Variants in INPP4B observed in about 807,000 individuals in gnomAD.
INPP4B encodes inositol polyphosphate 4-phosphatase type II.
A neutral mutation model predicts 122.5 loss-of-function variants in INPP4B; 55 were observed. That is an observed-to-expected ratio of 0.45 (90% confidence interval 0.36 to 0.56). INPP4B has a LOEUF of 0.56. Among genes scored for constraint, INPP4B ranks in the 20% least tolerant of loss-of-function variants. The probability of loss-of-function intolerance (pLI) is 0.00; values close to 1 mark genes in which losing one functional copy is unlikely to be tolerated. For missense variants in INPP4B, 1,000 were observed against 1,097.7 expected, an observed-to-expected ratio of 0.91 and a Z score of 1.26; for synonymous variants, 403 against 388.7, an observed-to-expected ratio of 1.04 and a Z score of -0.43.
chr4:142,495,766 A>C (rs1004172986), intron 2 of INPP4B, among the ~76,000 whole-genome samples: 2 of 152,176 alleles, frequency 1.3e-5, no homozygotes, highest in Non-Finnish European at 2.9e-5. Flanking sequence ...CTTTAGTTTC[A>C]TTCAAAACCT....
At chr4:142,233,854 T>C (rs1000744696) in intron 12 of INPP4B, among the ~76,000 whole-genome samples, 7 of 152,082 alleles carry the variant, frequency 4.6e-5, no homozygotes, top group Non-Finnish European at 8.8e-5. Context: ...TTAAACTATT[T>C]TCTCAGTTGG....
At chr4:142,314,483 T>C (rs2151315904) in intron 8 of INPP4B, among the ~76,000 whole-genome samples, 1 of 152,224 alleles carries the variant, frequency 6.6e-6, no homozygotes, top group African/African-American at 2.4e-5. Context: ...GGCTCATCTC[T>C]AGCCAGCTGA....
intron 25 of INPP4B, among the ~76,000 whole-genome samples, chr4:142,071,050 T>G (rs28841695): frequency 0.025 from 3,787 of 152,068 alleles, 174 homozygotes; most frequent in African/African-American, 0.087. Flanking sequence ...GCCAAAAGAA[T>G]AAAGCTGGAG....
chr4:142,633,792 A>G (rs1159972487), intron 2 of INPP4B, among the ~76,000 whole-genome samples: 1 of 152,170 alleles, frequency 6.6e-6, no homozygotes, highest in Non-Finnish European at 1.5e-5. Context: ...AGAGAATGAT[A>G]AAATAACATA....
At chr4:142,541,096 T>C (rs538774427) in intron 2 of INPP4B, among the ~76,000 whole-genome samples, 1 of 152,310 alleles carries the variant, frequency 6.6e-6, no homozygotes, top group East Asian at 1.9e-4. Flanking sequence ...GCTGATTTGA[T>C]TTTGTCATAA....
chr4:142,515,238 C>T (rs905871720), intron 2 of INPP4B, among the ~76,000 whole-genome samples: 3 of 152,166 alleles, frequency 2.0e-5, no homozygotes, highest in African/African-American at 7.2e-5. Flanking sequence ...CTAAGAAGGG[C>T]TATTCGTCAA....
chr4:142,370,650 C>G (rs1262236385), intron 7 of INPP4B, among the ~76,000 whole-genome samples: 1 of 151,724 alleles, frequency 6.6e-6, no homozygotes, highest in Non-Finnish European at 1.5e-5. Flanking sequence ...TACAAAATAA[C>G]TAACTGAAAA....
intron 1 of INPP4B, among the ~76,000 whole-genome samples, chr4:142,732,720 A>T (rs969682232): frequency 9.2e-5 from 14 of 152,288 alleles, no homozygotes; most frequent in Admixed American, 3.9e-4. Context: ...CATCATGCTC[A>T]TACATGGAAG....
At chr4:142,121,689 G>A (rs1436960276) in intron 21 of INPP4B, among the ~76,000 whole-genome samples, 2 of 152,038 alleles carry the variant, frequency 1.3e-5, no homozygotes, top group Non-Finnish European at 2.9e-5. Flanking sequence ...AAAAATGGTG[G>A]TATATTCCCC....
intron 2 of INPP4B, among the ~76,000 whole-genome samples, chr4:142,705,878 G>A (rs183645067): frequency 1.3e-5 from 2 of 152,152 alleles, no homozygotes; most frequent in South Asian, 2.1e-4. Flanking sequence ...TTACTCCTTG[G>A]TATCTATTCT....
chr4:142,446,672 G>C (rs1197525878), intron 3 of INPP4B, among the ~76,000 whole-genome samples: 2 of 152,130 alleles, frequency 1.3e-5, no homozygotes, highest in African/African-American at 2.4e-5. Context: ...TTACAGTAGA[G>C]AAAATGAGGA....
chr4:142,064,411 A>G (rs1028662642), intron 25 of INPP4B, among the ~76,000 whole-genome samples: 1 of 152,152 alleles, frequency 6.6e-6, no homozygotes, highest in African/African-American at 2.4e-5. Flanking sequence ...AGCTGAACCC[A>G]TGGTAGGTCT....
chr4:142,810,700 T>G (rs189443643), intron 1 of INPP4B, among the ~76,000 whole-genome samples: 2 of 152,306 alleles, frequency 1.3e-5, no homozygotes, highest in Non-Finnish European at 2.9e-5. Flanking sequence ...GTTGACTAAC[T>G]TGTAAGCCGT....
At chr4:142,638,631 C>T (rs1749696695) in intron 2 of INPP4B, among the ~76,000 whole-genome samples, 1 of 151,426 alleles carries the variant, frequency 6.6e-6, no homozygotes, top group Non-Finnish European at 1.5e-5. Flanking sequence ...GCAAGTTCCA[C>T]CTCCCAGGTT....
chr4:142,552,549 CT>C (rs767790479), intron 2 of INPP4B, among the ~76,000 whole-genome samples: 1 of 152,016 alleles, frequency 6.6e-6, no homozygotes, highest in Non-Finnish European at 1.5e-5. Flanking sequence ...GTTTTTGAGT[CT>C]TTTGTAGGAG....
chr4:142,649,420 T>A (rs948981544), intron 2 of INPP4B, among the ~76,000 whole-genome samples: 1 of 152,006 alleles, frequency 6.6e-6, no homozygotes, highest in South Asian at 2.1e-4. Context: ...ATAACAAACT[T>A]CTCCGAGCTA....
chr4:142,216,563 T>C (rs891062303), intron 12 of INPP4B, among the ~76,000 whole-genome samples: 2 of 152,220 alleles, frequency 1.3e-5, no homozygotes, highest in African/African-American at 2.4e-5. Context: ...GAAATATTCA[T>C]ACAGATCTCT....
At chr4:142,248,124 C>T (rs1194449572) in intron 11 of INPP4B, among the ~76,000 whole-genome samples, 1 of 152,074 alleles carries the variant, frequency 6.6e-6, no homozygotes, top group South Asian at 2.1e-4. Context: ...AATGATGCTT[C>T]ACTGGTTGCT....
chr4:142,475,441 C>T (rs1220612666), intron 2 of INPP4B, among the ~76,000 whole-genome samples: 5 of 152,026 alleles, frequency 3.3e-5, no homozygotes, highest in Non-Finnish European at 5.9e-5. Context: ...GAGTGTCCTT[C>T]TTACCTCTAA....
Sources: gnomAD v4.1 joint callset for allele counts (sites outside exome capture counted in the v4.1 genomes callset) on GRCh38, gnomAD v4.1.1 for gene constraint, MANE v1.5 for transcripts, NCBI Gene and HGNC (gene_info 2026-07-23, HGNC 2026-07-21) for gene names.